KCNIP3: variants seen among roughly 807,000 people sequenced by gnomAD.
The protein encoded by KCNIP3 is potassium voltage-gated channel interacting protein 3.
In KCNIP3, 28 loss-of-function variants were observed where a neutral mutation model predicts 35.0. The ratio of observed to expected loss-of-function variants is 0.80; its 90% confidence interval spans 0.59 to 1.10. KCNIP3 has a LOEUF of 1.10. Among genes scored for constraint, KCNIP3 ranks in the 50% least tolerant of loss-of-function variants. The probability of loss-of-function intolerance (pLI) is 0.00; values close to 1 mark genes in which losing one functional copy is unlikely to be tolerated. For synonymous variants in KCNIP3, 134 were observed against 133.8 expected (o/e 1.00, Z -0.01); for missense variants, 295 against 338.4 (o/e 0.87, Z 1.01).
intron 2 of KCNIP3, among the ~76,000 whole-genome samples, chr2:95,367,536 C>T (rs991372343): frequency 3.9e-5 from 6 of 152,064 alleles, no homozygotes; most frequent in Admixed American, 2.0e-4. Context: ...TTGAATCCTC[C>T]GTGATTTCTT....
At chr2:95,323,413 C>T (rs1260554302) in intron 2 of KCNIP3, among the ~76,000 whole-genome samples, 8 of 152,178 alleles carry the variant, frequency 5.3e-5, no homozygotes, top group Admixed American at 2.6e-4. Context: ...GGCAGAACTG[C>T]GGTGGCAGAG....
chr2:95,366,663 G>A (rs1272807574), intron 2 of KCNIP3, among the ~76,000 whole-genome samples: 4 of 152,040 alleles, frequency 2.6e-5, no homozygotes, highest in African/African-American at 9.7e-5. Context: ...GGTTCCCGTC[G>A]CTCTGCATCC....
intron 2 of KCNIP3, among the ~76,000 whole-genome samples, chr2:95,314,230 G>A (rs1473567097): frequency 1.3e-5 from 2 of 152,124 alleles, no homozygotes; most frequent in East Asian, 3.8e-4. Flanking sequence ...TCTATAAACA[G>A]AATTTTCGCG....
chr2:95,372,788 A>T (rs1269914669), intron 2 of KCNIP3, among the ~76,000 whole-genome samples: 4 of 152,128 alleles, frequency 2.6e-5, no homozygotes, highest in Admixed American at 2.6e-4. Context: ...AGGATGGGAG[A>T]GGAGATACTG....
Position 95,350,989 on chromosome 2 carries a change from G to C in KCNIP3, c.182-23307G>C, listed in dbSNP as rs139388660. On this transcript the variant is annotated intron_variant, in intron 2 of 8. Transcript: ENST00000295225. ...TGAGCAAACTCTGAAGCCAGAGTTGGGAGTTGGGCGCAAGGCCTTCGAGGA... is the reference window on the plus strand; with the variant it reads ...TGAGCAAACTCTGAAGCCAGAGTTGCGAGTTGGGCGCAAGGCCTTCGAGGA... Among the ~76,000 whole-genome samples the C allele has an allele frequency of 3.1e-4, 47 of 152,354 alleles. 1 individual carries two copies. The East Asian group carries it at 8.9e-3, about 29-fold the overall frequency.
chr2:95,329,315 C>T (rs774633777), intron 2 of KCNIP3, among the ~76,000 whole-genome samples: 1 of 152,324 alleles, frequency 6.6e-6, no homozygotes, highest in African/African-American at 2.4e-5. Context: ...TCCTGTACTT[C>T]GACTAAGCCA....
chr2:95,343,246 C>T (rs1679261542), intron 2 of KCNIP3, among the ~76,000 whole-genome samples: 1 of 152,022 alleles, frequency 6.6e-6, no homozygotes, highest in African/African-American at 2.4e-5. Flanking sequence ...GATGGGGAGA[C>T]TTGGGAAGTG....
At chr2:95,319,244 C>T (rs1319314869) in intron 2 of KCNIP3, among the ~76,000 whole-genome samples, 1 of 152,152 alleles carries the variant, frequency 6.6e-6, no homozygotes, top group Admixed American at 6.5e-5. Context: ...CTGGTGGAGC[C>T]GGGGGCTCAG....
chr2:95,348,542 C>T (rs1318654584), intron 2 of KCNIP3, among the ~76,000 whole-genome samples: 1 of 152,232 alleles, frequency 6.6e-6, no homozygotes, highest in Non-Finnish European at 1.5e-5. Flanking sequence ...CCAGGAGCAA[C>T]AGCCAGCCTC....
chr2:95,383,262 A>C lies in KCNIP3; in HGVS notation c.691A>C (p.Thr231Pro), dbSNP rs373974351. Residue 231 changes from threonine (T) to proline (P), a missense_variant, in exon 8 of 9, where the codon ACC becomes CCC. By Grantham distance (38) the Thr-to-Pro change is conservative. Transcript: ENST00000295225. ...GGACCGGAACCAGGATGGGGTAGTG[A>C]CCATTGAAGAGTTCCTGGAGGCCTG... Reference protein sequence around the residue: ...KMDRNQDGVVTIEEFLEACQK... With the variant: ...KMDRNQDGVVPIEEFLEACQK... 2.0e-5 allele frequency: 32 copies of C among 1,613,664 alleles called. No homozygotes were observed. The highest frequency in any genetic ancestry group is 2.7e-5 in the African/African-American group (2 of 74,858).
intron 1 of KCNIP3, among the ~76,000 whole-genome samples, chr2:95,304,181 C>T (rs1678116367): frequency 6.6e-6 from 1 of 152,146 alleles, no homozygotes; most frequent in Admixed American, 6.5e-5. Flanking sequence ...CTGCCTTTAC[C>T]GTTTTGCTGT....
At position 95,381,672 on chromosome 2, in the gene KCNIP3, A is replaced by G. The variant is rs1411689496; in HGVS notation, c.524A>G (p.Asp175Gly). Residue 175 changes from aspartate (D) to glycine (G), a missense_variant, in exon 6 of 9, where the codon GAC becomes GGC. Physicochemically the swap from Asp to Gly is moderately conservative, Grantham distance 94 (BLOSUM62 -1). Coordinates refer to ENST00000295225, the MANE Select transcript of KCNIP3 (RefSeq NM_013434.5). Reference sequence around the variant, plus strand: ...CTCAAGTGGGCCTTTAATCTCTACGACATTAACAAGGATGGCTACATCACC... The same window carrying G: ...CTCAAGTGGGCCTTTAATCTCTACGGCATTAACAAGGATGGCTACATCACC... ...EKLKWAFNLYDINKDGYITKE... is the reference protein window; with the variant it reads ...EKLKWAFNLYGINKDGYITKE... The G allele has an allele frequency of 1.2e-6, 2 of 1,613,922 alleles. No individual in the cohort carries two copies. The highest frequency in any genetic ancestry group is 1.1e-5 in the South Asian group (1 of 91,072).
At chr2:95,383,152 TG>T in intron 7 of KCNIP3, 79 bp from the exon 8 acceptor site, 7 of 502,480 alleles carry the variant, frequency 1.4e-5, no homozygotes, top group Non-Finnish European at 2.6e-5. Context: ...CACCCACCCA[TG>T]ACTTCTGCGT....
At chr2:95,340,703 C>A (rs536234603) in intron 2 of KCNIP3, among the ~76,000 whole-genome samples, 2 of 152,322 alleles carry the variant, frequency 1.3e-5, no homozygotes, top group South Asian at 4.1e-4. Flanking sequence ...TCCCCTTGGA[C>A]AGTATCATGT....
At chr2:95,320,401 G>A (rs1463054704) in intron 2 of KCNIP3, among the ~76,000 whole-genome samples, 3 of 152,128 alleles carry the variant, frequency 2.0e-5, no homozygotes, top group African/African-American at 4.8e-5. Context: ...CAGCCTGGAG[G>A]GGTCGGGGAG....
intron 3 of KCNIP3, 74 bp downstream of exon 3, chr2:95,374,494 C>T: frequency 6.5e-7 from 1 of 1,548,780 alleles, no homozygotes; most frequent in South Asian, 1.2e-5. Context: ...TTCTCCATGC[C>T]ACAGTAAATA....
intron 2 of KCNIP3, among the ~76,000 whole-genome samples, chr2:95,370,320 C>G (rs989368738): frequency 6.6e-5 from 10 of 152,204 alleles, no homozygotes; most frequent in African/African-American, 2.4e-4. Flanking sequence ...TTATTTTAGG[C>G]TTTGTCAGAG....
At chr2:95,302,705 G>A (rs891066210) in intron 1 of KCNIP3, among the ~76,000 whole-genome samples, 1 of 152,176 alleles carries the variant, frequency 6.6e-6, no homozygotes, top group Non-Finnish European at 1.5e-5. Flanking sequence ...CTCTGTCAGG[G>A]TCACCGAGCT....
intron 2 of KCNIP3, chr2:95,355,307 G>A (rs1679629739): frequency 6.6e-6 from 1 of 152,196 alleles, no homozygotes; most frequent in East Asian, 1.9e-4. Context: ...AGCTTGTAAG[G>A]CAGCGTCTGG....
Sources: allele counts gnomAD v4.1 joint callset (sites outside exome capture counted in the v4.1 genomes callset), GRCh38; gene constraint gnomAD v4.1.1; transcripts MANE v1.5; gene names NCBI Gene and HGNC (gene_info 2026-07-23, HGNC 2026-07-21).